Variants in SH3KBP1 observed in about 807,000 individuals in gnomAD.
The protein encoded by SH3KBP1 is SH3 domain-containing kinase-binding protein 1.
In SH3KBP1, 8 loss-of-function variants were observed where a neutral mutation model predicts 50.1. The observed-to-expected ratio is 0.16, with a 90% CI of 0.09 to 0.29. The LOEUF (loss-of-function observed/expected upper bound fraction) is 0.29. Ranked by LOEUF, SH3KBP1 falls within the 10% of genes least tolerant of loss-of-function variation. The probability of loss-of-function intolerance (pLI) is 1.00; values close to 1 mark genes in which losing one functional copy is unlikely to be tolerated. For synonymous variants in SH3KBP1, 227 were observed against 218.6 expected (o/e 1.04, Z -0.34); for missense variants, 377 against 535.2 (o/e 0.70, Z 2.92).
At chrX:19,657,727 AAATAATAAT>A (rs766687828) in intron 6 of SH3KBP1, among the ~76,000 whole-genome samples, 9 of 107,923 alleles carry the variant, frequency 8.3e-5, no homozygotes, top group Non-Finnish European at 1.5e-4. Context: ...ACTCCATCTA[AAATAATAAT>A]AATAATAATA....
At chrX:19,588,604 C>T (rs372490590) in intron 12 of SH3KBP1, 39 bp downstream of exon 12, 2 of 1,204,478 alleles carry the variant, frequency 1.7e-6, no homozygotes, top group African/African-American at 3.5e-5. Flanking sequence ...CTTCCATAGC[C>T]ACCCCACACC....
intron 6 of SH3KBP1, among the ~76,000 whole-genome samples, chrX:19,655,694 T>C (rs913405195): frequency 9.0e-6 from 1 of 110,825 alleles, no homozygotes; most frequent in Non-Finnish European, 1.9e-5. Flanking sequence ...GGGGCAAGGA[T>C]TGAAAAACTA....
chrX:19,594,467 G>A (rs2066836797), intron 10 of SH3KBP1, among the ~76,000 whole-genome samples: 1 of 111,548 alleles, frequency 9.0e-6, no homozygotes, highest in Non-Finnish European at 1.9e-5. Flanking sequence ...TTTGTTGAGG[G>A]GTAAGTGAAG....
chrX:19,588,737 T>C lies in SH3KBP1; in HGVS notation c.1204A>G (p.Lys402Glu), dbSNP rs1419567465. The C allele has an allele frequency of 8.3e-7, 1 of 1,199,476 alleles. No individual in the cohort carries two copies. Among genetic ancestry groups the C allele is most frequent in the Non-Finnish European group, 1.1e-6 (1 of 889,732 alleles). Residue 402 changes from lysine to glutamate, a missense_variant, in exon 12 of 18, where the codon AAG becomes GAG. Around this residue, in one of 3 missense-constraint regions of SH3KBP1, gnomAD observed 257 missense variants for 374.2 expected, o/e 0.69. Transcript: ENST00000397821. ...GAATTGGTCTTAGGTGGCCGAGGCT[T>C]TTTTGGCGGTATGGCAGGAACGGAG... ...KPSVPAIPPK[K>E]PRPPKTNSLS...
At chrX:19,819,242 G>C (rs770632536) in intron 2 of SH3KBP1, among the ~76,000 whole-genome samples, 35 of 112,155 alleles carry the variant, frequency 3.1e-4, no homozygotes, top group Non-Finnish European at 1.3e-4. Flanking sequence ...TGCAGAATCT[G>C]TAATGATATC....
intron 2 of SH3KBP1, among the ~76,000 whole-genome samples, chrX:19,758,327 CAAAAAAAAAAA>C (rs60332447): frequency 0.21 from 7,934 of 37,606 alleles, 889 homozygotes; most frequent in African/African-American, 0.41. Context: ...GACTTCGTTT[CAAAAAAAAAAA>C]AAAAAAAAAA....
chrX:19,646,759 C>T (rs776424842), intron 6 of SH3KBP1, among the ~76,000 whole-genome samples: 2 of 112,588 alleles, frequency 1.8e-5, no homozygotes, highest in Non-Finnish European at 3.8e-5. Context: ...AAATCAAATC[C>T]TCAGCCCTTC....
At chrX:19,553,985 TATATA>T (rs2065341979) in intron 13 of SH3KBP1, among the ~76,000 whole-genome samples, 1 of 67,912 alleles carries the variant, frequency 1.5e-5, no homozygotes, top group African/African-American at 7.1e-5. Flanking sequence ...TAAAATATAA[TATATA>T]ATATATATTA....
At chrX:19,608,147 G>T in intron 8 of SH3KBP1, 102 bp from the exon 9 acceptor site, 1 of 621,118 alleles carries the variant, frequency 1.6e-6, no homozygotes, top group Non-Finnish European at 2.5e-6. Context: ...CTGGAGGTCC[G>T]TGTTAATGAG....
At chrX:19,820,204 G>A (rs916703738) in intron 2 of SH3KBP1, among the ~76,000 whole-genome samples, 1 of 112,200 alleles carries the variant, frequency 8.9e-6, no homozygotes, top group Non-Finnish European at 1.9e-5. Context: ...AGGATATTCT[G>A]TAAACATCAA....
At chrX:19,848,744 G>A (rs1355272123) in intron 1 of SH3KBP1, among the ~76,000 whole-genome samples, 1 of 110,758 alleles carries the variant, frequency 9.0e-6, no homozygotes, top group Non-Finnish European at 1.9e-5. Context: ...AAGAACCTGA[G>A]CAATGGTCAC....
chrX:19,558,608 T>C (rs1220852587), intron 13 of SH3KBP1, among the ~76,000 whole-genome samples: 1 of 111,988 alleles, frequency 8.9e-6, no homozygotes, highest in East Asian at 2.8e-4. Context: ...TACTGCTGAA[T>C]TTTATCCTAA....
At chrX:19,638,407 T>C (rs1307345820) in intron 7 of SH3KBP1, among the ~76,000 whole-genome samples, 1 of 41,074 alleles carries the variant, frequency 2.4e-5, no homozygotes, top group Non-Finnish European at 3.7e-5. Flanking sequence ...AGACTCCGTC[T>C]CAAAAAAAAA....
At chrX:19,880,226 T>G (rs2069390190) in intron 1 of SH3KBP1, among the ~76,000 whole-genome samples, 1 of 113,111 alleles carries the variant, frequency 8.8e-6, no homozygotes, top group South Asian at 3.6e-4. Context: ...CCAGGAACTG[T>G]CAGCAAACAG....
chrX:19,657,231 T>A, intron 6 of SH3KBP1, among the ~76,000 whole-genome samples: 1 of 109,305 alleles, frequency 9.1e-6, no homozygotes, highest in Middle Eastern at 4.8e-3. Flanking sequence ...TTCCAAAAAA[T>A]TTAGCTGGAT....
chrX:19,839,895 C>T (rs966803071), intron 1 of SH3KBP1, among the ~76,000 whole-genome samples: 2 of 112,169 alleles, frequency 1.8e-5, no homozygotes, highest in Non-Finnish European at 3.8e-5. Context: ...ACTGACCACT[C>T]AGCTTGCATT....
At chrX:19,764,911 C>T (rs765195029) in intron 2 of SH3KBP1, among the ~76,000 whole-genome samples, 20 of 104,124 alleles carry the variant, frequency 1.9e-4, no homozygotes, top group African/African-American at 7.1e-4. Flanking sequence ...CGGGTTCAAG[C>T]GATTCTTCTG....
rs1603294815 is a variant in SH3KBP1, at chrX:19,887,058, C to T, written c.4+249G>A. On this transcript the variant is annotated intron_variant, in intron 1 of 17. Transcript: ENST00000397821. ...CCTGCATCCCTCAGCCCGAGCCGCC[C>T]GGGGCCAGCCCCCGTGATCGTCTGC... Among the ~76,000 whole-genome samples the T allele has an allele frequency of 8.0e-5, 9 of 111,854 alleles. 2 individuals are homozygous for T. The highest frequency in any genetic ancestry group is 7.4e-4 in the Admixed American group (8 of 10,769).
intron 12 of SH3KBP1, among the ~76,000 whole-genome samples, chrX:19,579,365 G>A (rs1176212674): frequency 8.9e-6 from 1 of 111,833 alleles, no homozygotes; most frequent in Non-Finnish European, 1.9e-5. Flanking sequence ...TCAAAGAGGC[G>A]CAAGGGGCTT....
Sources: allele counts gnomAD v4.1 joint callset (sites outside exome capture counted in the v4.1 genomes callset), GRCh38; gene constraint gnomAD v4.1.1; regional missense constraint gnomAD v4.1.1; transcripts MANE v1.5; gene names NCBI Gene and HGNC (gene_info 2026-07-23, HGNC 2026-07-21).